TMEM117: variants seen among roughly 807,000 people sequenced by gnomAD.
The protein encoded by TMEM117 is transmembrane protein 117.
TMEM117 carries 27 observed loss-of-function variants against 52.4 expected under a neutral mutation model. The ratio of observed to expected loss-of-function variants is 0.51; its 90% CI spans 0.38 to 0.71. TMEM117 has a LOEUF of 0.71. Ranked by LOEUF, TMEM117 falls within the 30% of genes least tolerant of loss-of-function variation. The probability of loss-of-function intolerance (pLI) is 0.00; values close to 1 mark genes in which losing one functional copy is unlikely to be tolerated. For synonymous variants in TMEM117, 215 were observed against 206.3 expected, an observed-to-expected ratio of 1.04 and a Z score of -0.36; for missense variants, 556 against 630.5, an observed-to-expected ratio of 0.88 and a Z score of 1.26.
intron 3 of TMEM117, among the ~76,000 whole-genome samples, chr12:44,082,647 GTT>G (rs1173871389): frequency 1.3e-5 from 2 of 151,962 alleles, no homozygotes; most frequent in Non-Finnish European, 2.9e-5. Context: ...TTATGTAACA[GTT>G]TTACATATAA....
At chr12:43,813,231 GTTTTTTTTTTTTT>G in the TMEM117 span, among the ~76,000 whole-genome samples, 11 of 62,664 alleles carry the variant, frequency 1.8e-4, no homozygotes, top group South Asian at 1.3e-3. Flanking sequence ...GTTTTCTCTT[GTTTTTTTTTTTTT>G]TTTTTTTTTT....
At chr12:44,068,791 A>G (rs1305653300) in intron 3 of TMEM117, among the ~76,000 whole-genome samples, 1 of 152,252 alleles carries the variant, frequency 6.6e-6, no homozygotes, top group East Asian at 1.9e-4. Context: ...TTGGGAAAAC[A>G]GTGCTGACAG....
At chr12:44,073,199 A>T (rs1444008056) in intron 3 of TMEM117, among the ~76,000 whole-genome samples, 2 of 152,202 alleles carry the variant, frequency 1.3e-5, no homozygotes, top group Non-Finnish European at 2.9e-5. Flanking sequence ...AAACATTAAT[A>T]AGTAGATCAT....
chr12:44,284,506 T>C (rs1304547070), intron 5 of TMEM117, among the ~76,000 whole-genome samples: 1 of 152,200 alleles, frequency 6.6e-6, no homozygotes, highest in Non-Finnish European at 1.5e-5. Flanking sequence ...TACCAGGTAA[T>C]TCAGTAGTAA....
chr12:44,030,881 T>G (rs1946623247), intron 3 of TMEM117, among the ~76,000 whole-genome samples: 1 of 150,064 alleles, frequency 6.7e-6, no homozygotes, highest in East Asian at 1.9e-4. Flanking sequence ...AAAGTTAAAG[T>G]GCCATTATTC....
chr12:44,071,484 A>G (rs1197943353), intron 3 of TMEM117, among the ~76,000 whole-genome samples: 1 of 152,232 alleles, frequency 6.6e-6, no homozygotes, highest in Non-Finnish European at 1.5e-5. Flanking sequence ...AATGTAAACT[A>G]CATTTAATCT....
intron 3 of TMEM117, among the ~76,000 whole-genome samples, chr12:43,944,563 T>C (rs1945098629): frequency 6.6e-6 from 1 of 152,156 alleles, no homozygotes; most frequent in African/African-American, 2.4e-5. Flanking sequence ...CTTTATCCTT[T>C]AGGACTTTTA....
chr12:44,272,885 G>C (rs1240900951), intron 5 of TMEM117, among the ~76,000 whole-genome samples: 1 of 152,076 alleles, frequency 6.6e-6, no homozygotes, highest in Non-Finnish European at 1.5e-5. Flanking sequence ...ATACCCAAAG[G>C]ATTATAAATC....
intron 2 of TMEM117, among the ~76,000 whole-genome samples, chr12:43,850,706 G>A (rs1943291903): frequency 6.6e-6 from 1 of 152,106 alleles, no homozygotes; most frequent in African/African-American, 2.4e-5. Context: ...CAATGATAGG[G>A]AAAATAATTA....
chr12:43,844,959 C>A, intron 2 of TMEM117, 31 bp downstream of exon 2: 1 of 1,570,892 alleles, frequency 6.4e-7, no homozygotes, highest in Non-Finnish European at 8.6e-7. Context: ...AATGTAATAT[C>A]ACTAATTATT....
In TMEM117 at chr12:44,288,488, C is replaced by T. The variant is rs186434720; in HGVS notation, c.609-11092C>T. ...AGTACATTATAAAGCCAGAAAACCA[C>T]GTATCAAGAGCTCTTAGAAAGAGTG... On this transcript the variant is annotated intron_variant, in intron 5 of 7. Transcript: ENST00000266534. 1.6e-4 allele frequency among the ~76,000 whole-genome samples: 25 copies of T among 152,176 alleles called. No homozygotes were observed. In the East Asian group the frequency reaches 4.1e-3, roughly 25 times the overall value.
intron 2 of TMEM117, among the ~76,000 whole-genome samples, chr12:43,867,885 T>C (rs952414520): frequency 1.3e-5 from 2 of 152,172 alleles, no homozygotes; most frequent in African/African-American, 4.8e-5. Flanking sequence ...GAAAAATCAG[T>C]AAGAATATAG....
At chr12:44,386,201 A>G (rs1230747363) in intron 7 of TMEM117, among the ~76,000 whole-genome samples, 1 of 152,126 alleles carries the variant, frequency 6.6e-6, no homozygotes, top group East Asian at 1.9e-4. Flanking sequence ...TAACAAGATG[A>G]TGAAATCCTT....
At chr12:43,799,559 A>C in the TMEM117 span, 1 of 1,001,700 alleles carries the variant, frequency 1.0e-6, no homozygotes, top group Non-Finnish European at 1.4e-6. Context: ...ATGACAGTGA[A>C]GTTACTTTAG....
rs534786906 is a variant in TMEM117, at chr12:43,927,932, G to GT, written c.278-16271dup. Reference sequence around the variant, plus strand: ...TTATATTAGGACTTGATTCTGCCAAGTTTTTTTGTGTTTTCTGTTAGCACA... The same window carrying GT: ...TTATATTAGGACTTGATTCTGCCAAGTTTTTTTTGTGTTTTCTGTTAGCACA... On this transcript the variant is annotated intron_variant, in intron 2 of 7. Coordinates refer to ENST00000266534, the MANE Select transcript of TMEM117 (RefSeq NM_032256.3). Among the ~76,000 whole-genome samples, 18 of 151,742 alleles carry GT rather than the reference G, an allele frequency of 1.2e-4. No individual in the cohort carries two copies. The East Asian group carries it at 3.1e-3, about 26-fold the overall frequency.
Position 44,013,964 on chromosome 12 carries a change from G to T in TMEM117, c.410+69622G>T, listed in dbSNP as rs564051240. On this transcript the variant is annotated intron_variant, in intron 3 of 7. Transcript: ENST00000266534. ...TCTAAACTCCTGACATGTTGGAGTG[G>T]ATACTGGAAGTTGAAAAAGGGTTTG... Among the ~76,000 whole-genome samples the T allele has an allele frequency of 3.3e-5, 5 of 152,300 alleles. No individual in the cohort carries two copies. In the South Asian group the frequency reaches 1.0e-3, roughly 32 times the overall value.
chr12:43,973,736 C>T (rs1228979560), intron 3 of TMEM117, among the ~76,000 whole-genome samples: 1 of 152,186 alleles, frequency 6.6e-6, no homozygotes, highest in Non-Finnish European at 1.5e-5. Context: ...ATTTGGGGTT[C>T]TTGGCTTTGG....
chr12:43,948,230 A>C (rs1945164708), intron 3 of TMEM117, among the ~76,000 whole-genome samples: 1 of 152,054 alleles, frequency 6.6e-6, no homozygotes, highest in Non-Finnish European at 1.5e-5. Context: ...CACGAGGAAA[A>C]ACCTTGTCTC....
chr12:44,042,850 A>G (rs1015699126), intron 3 of TMEM117, among the ~76,000 whole-genome samples: 1 of 151,106 alleles, frequency 6.6e-6, no homozygotes, highest in Non-Finnish European at 1.5e-5. Flanking sequence ...AGTAATATTG[A>G]TTTTGGTACC....
Sources: gnomAD v4.1 joint callset for allele counts (sites outside exome capture counted in the v4.1 genomes callset) on GRCh38, gnomAD v4.1.1 for gene constraint, MANE v1.5 for transcripts, NCBI Gene and HGNC (gene_info 2026-07-23, HGNC 2026-07-21) for gene names.